The following ARNT2 variants were observed in gnomAD, a reference collection of about 807,000 sequenced individuals.
ARNT2 encodes the protein aryl hydrocarbon receptor nuclear translocator 2.
In ARNT2, 36 loss-of-function variants were observed where a neutral mutation model predicts 91.7. That is an observed-to-expected ratio of 0.39 (90% CI 0.30 to 0.52). ARNT2 has a LOEUF of 0.52. ARNT2 is among the 20% of genes least tolerant of loss of function. The pLI is 0.72. For synonymous variants in ARNT2, 365 were observed against 347.1 expected (o/e 1.05, Z -0.57); for missense variants, 775 against 939.3 (o/e 0.83, Z 2.29).
chr15:80,427,995 GCTC>G (rs1895956105), intron 1 of ARNT2, among the ~76,000 whole-genome samples: 1 of 152,216 alleles, frequency 6.6e-6, no homozygotes, highest in African/African-American at 2.4e-5. Context: ...AGGATCACCT[GCTC>G]ATCAGCTCGG....
intron 1 of ARNT2, among the ~76,000 whole-genome samples, chr15:80,422,105 T>G (rs895718061): frequency 7.2e-5 from 11 of 152,022 alleles, no homozygotes; most frequent in Non-Finnish European, 1.6e-4. Context: ...CTTATGTAAG[T>G]TAGAGTTTCA....
intron 5 of ARNT2, among the ~76,000 whole-genome samples, chr15:80,505,927 G>GTT (rs1161520898): frequency 1.1e-5 from 1 of 88,922 alleles, no homozygotes. Context: ...AACATTTGTT[G>GTT]TTTTTTTTTT....
At chr15:80,419,064 T>G (rs1256680917) in intron 1 of ARNT2, among the ~76,000 whole-genome samples, 1 of 152,160 alleles carries the variant, frequency 6.6e-6, no homozygotes, top group Non-Finnish European at 1.5e-5. Flanking sequence ...AACCATTTTC[T>G]AGAACGCAGG....
rs746163068 is a variant in ARNT2 at position 80,591,361 on chromosome 15, T to C, written c.1919-207T>C. Among the ~76,000 whole-genome samples, 56 of 152,152 alleles carry C rather than the reference T, an allele frequency of 3.7e-4. No homozygotes were observed. The highest frequency in any genetic ancestry group is 6.9e-4 in the Non-Finnish European group (47 of 68,040). ...CCTCTCTGGCCAAGTACCTGCACCA[T>C]TGGGCAAAGGGCTCCTGTGTCTCTT... On this transcript the variant is annotated intron_variant, in intron 17 of 18. Coordinates refer to ENST00000303329, the MANE Select transcript of ARNT2 (RefSeq NM_014862.4). The surrounding 1 kb of genome is among the most constrained non-coding windows in gnomAD (Gnocchi z 5.1).
chr15:80,551,418 G>A, intron 9 of ARNT2, 143 bp downstream of exon 9: 1 of 728,724 alleles, frequency 1.4e-6, no homozygotes, highest in Non-Finnish European at 2.3e-6. Flanking sequence ...GTGGGACAAG[G>A]CTGAGGCCAA....
In ARNT2 at chr15:80,597,288, C is replaced by G. The variant is rs1893389755; in HGVS notation, c.*3590C>G. 1.9e-6 allele frequency: 1 copy of G among 518,546 alleles called. No individual in the cohort carries two copies. Among genetic ancestry groups the G allele is most frequent in the Admixed American group, 1.9e-5 (1 of 51,534 alleles). 32.1% of individuals were successfully genotyped at this position (518,546 alleles called of 1,614,324 possible). ...ACGCTCACCTTGCTCCGTCACGGTT[C>G]TGACCTACCACATAAACAGGAAGAA... is the stretch of plus-strand genomic sequence containing the variant. On this transcript the variant is annotated 3_prime_UTR_variant, in exon 19 of 19. Coordinates refer to ENST00000303329, the MANE Select transcript of ARNT2 (RefSeq NM_014862.4).
chr15:80,417,131 A>T (rs756193758), intron 1 of ARNT2, among the ~76,000 whole-genome samples: 36 of 152,182 alleles, frequency 2.4e-4, no homozygotes, highest in Non-Finnish European at 4.1e-4. Flanking sequence ...GTCAATAGGG[A>T]GTTGAAGTGT....
At position 80,597,343 on chromosome 15, in the gene ARNT2, C is replaced by T. The variant is rs777607329; in HGVS notation, c.*3645C>T. The T allele has an allele frequency of 5.8e-6, 3 of 518,218 alleles. No homozygotes were observed. The Admixed American group carries it at 5.8e-5, about 10-fold the overall frequency. 32.1% of individuals were successfully genotyped at this position (518,218 alleles called of 1,614,324 possible). ...GTGACCGGAACAGCTCTAGGAATAACAAGTCAGAATAGAAGTGTCCTTTAT... is the reference window on the plus strand; with the variant it reads ...GTGACCGGAACAGCTCTAGGAATAATAAGTCAGAATAGAAGTGTCCTTTAT... On this transcript the variant is annotated 3_prime_UTR_variant, in exon 19 of 19. Coordinates refer to ENST00000303329, the MANE Select transcript of ARNT2 (RefSeq NM_014862.4).
chr15:80,410,016 G>A (rs1895658349), intron 1 of ARNT2, among the ~76,000 whole-genome samples: 1 of 152,176 alleles, frequency 6.6e-6, no homozygotes, highest in Non-Finnish European at 1.5e-5. Flanking sequence ...AAAAGCGCTG[G>A]AAATCTACTG....
intron 5 of ARNT2, among the ~76,000 whole-genome samples, chr15:80,478,299 C>T (rs953288413): frequency 6.6e-6 from 1 of 152,228 alleles, no homozygotes; most frequent in African/African-American, 2.4e-5. Flanking sequence ...AAGCGATGGT[C>T]AAGGCAGGTC....
intron 5 of ARNT2, among the ~76,000 whole-genome samples, chr15:80,490,117 G>C (rs1897034374): frequency 6.6e-6 from 1 of 152,182 alleles, no homozygotes; most frequent in Non-Finnish European, 1.5e-5. Context: ...AAAGTGGTGA[G>C]AGAGAGAAGC....
rs2141492592 is a variant in ARNT2 at position 80,595,702 on chromosome 15, T to A, written c.*2004T>A. On this transcript the variant is annotated 3_prime_UTR_variant, in exon 19 of 19. Coordinates refer to ENST00000303329, the MANE Select transcript of ARNT2 (RefSeq NM_014862.4). ...TGATTGGGTCTCCACTGTAGATGCA[T>A]GCAGTGTTCACTCCAACCTCAGAGG... 1.3e-5 allele frequency: 2 copies of A among 152,372 alleles called. No homozygotes were observed. Among genetic ancestry groups the A allele is most frequent in the Middle Eastern group, 3.4e-3 (1 of 294 alleles). 9.4% of individuals were successfully genotyped at this position (152,372 alleles called of 1,614,324 possible).
intron 5 of ARNT2, among the ~76,000 whole-genome samples, chr15:80,487,015 G>A (rs1205416664): frequency 6.6e-6 from 1 of 152,190 alleles, no homozygotes; most frequent in African/African-American, 2.4e-5. Flanking sequence ...GTAGGCTGAA[G>A]CTACCCTAGG....
intron 3 of ARNT2, among the ~76,000 whole-genome samples, chr15:80,467,998 T>C (rs112462624): frequency 3.3e-5 from 5 of 152,232 alleles, no homozygotes; most frequent in African/African-American, 1.2e-4. Flanking sequence ...TTCATCACTT[T>C]CTTTCATTAT....
At chr15:80,567,029 G>A (rs1197644183) in intron 12 of ARNT2, among the ~76,000 whole-genome samples, 1 of 152,202 alleles carries the variant, frequency 6.6e-6, no homozygotes, top group Non-Finnish European at 1.5e-5. Context: ...GAAGCAGAGA[G>A]GTACCACCTC....
rs1419841606 is a variant in ARNT2, at chr15:80,471,781, A to C, written c.408+1350A>C. On this transcript the variant is annotated intron_variant, in intron 4 of 18. Coordinates refer to ENST00000303329, the MANE Select transcript of ARNT2 (RefSeq NM_014862.4). The stretch of plus-strand genomic sequence containing the variant: ...TAATCTGCTGCTTAGTGGAGGAGCC[A>C]AGATTGGGTCCAGTGAAGACAGGCT... Among the ~76,000 whole-genome samples the C allele has an allele frequency of 2.0e-5, 3 of 152,182 alleles. No homozygotes were observed. In the East Asian group the frequency reaches 5.8e-4, roughly 29 times the overall value.
chr15:80,457,313 T>C (rs1896494779), intron 2 of ARNT2, among the ~76,000 whole-genome samples: 1 of 152,178 alleles, frequency 6.6e-6, no homozygotes, highest in African/African-American at 2.4e-5. Flanking sequence ...ACAGCCATTT[T>C]CCCCTCAACA....
At chr15:80,491,759 CTT>C (rs1403774908) in intron 5 of ARNT2, among the ~76,000 whole-genome samples, 2 of 142,664 alleles carry the variant, frequency 1.4e-5, no homozygotes, top group African/African-American at 2.6e-5. Flanking sequence ...TGTAAAGTGA[CTT>C]CACAAATACA....
intron 3 of ARNT2, among the ~76,000 whole-genome samples, chr15:80,458,947 C>G (rs776454409): frequency 6.6e-6 from 1 of 152,174 alleles, no homozygotes; most frequent in African/African-American, 2.4e-5. Context: ...GGAGGAACCA[C>G]ATGCATATTG....
Sources: allele counts gnomAD v4.1 joint callset (sites outside exome capture counted in the v4.1 genomes callset), GRCh38; gene constraint gnomAD v4.1.1; non-coding constraint Gnocchi (gnomAD v3.1); transcripts MANE v1.5; gene names NCBI Gene and HGNC (gene_info 2026-07-23, HGNC 2026-07-21).